The following ZFAT variants were observed in gnomAD, a reference collection of about 807,000 sequenced individuals.
ZFAT encodes zinc finger and AT-hook domain containing, also known as zinc finger protein ZFAT.
In ZFAT, 64 loss-of-function variants were observed where a neutral mutation model predicts 117.7. That is an observed-to-expected ratio of 0.54 (90% CI 0.44 to 0.67). The LOEUF (loss-of-function observed/expected upper bound fraction) is 0.67, where lower values mean the gene tolerates loss of function less well. Ranked by LOEUF, ZFAT falls within the 30% of genes least tolerant of loss-of-function variation. The probability of loss-of-function intolerance (pLI) is 0.00; values close to 1 mark genes in which losing one functional copy is unlikely to be tolerated. For missense variants in ZFAT, 1,433 were observed against 1,584.5 expected, an observed-to-expected ratio of 0.90 and a Z score of 1.62; for synonymous variants, 679 against 615.0, an observed-to-expected ratio of 1.10 and a Z score of -1.54.
At chr8:134,601,422 G>T in intron 6 of ZFAT, 55 bp downstream of exon 6, 1 of 1,538,170 alleles carries the variant, frequency 6.5e-7, no homozygotes, top group South Asian at 1.3e-5. Context: ...AATGCGAGGT[G>T]ACCACAGCAT....
rs189688951 is a variant in ZFAT at position 134,561,846 on chromosome 8, T to A, written c.2976+3487A>T. On this transcript the variant is annotated intron_variant, in intron 11 of 15. Coordinates refer to ENST00000377838, the MANE Select transcript of ZFAT (RefSeq NM_020863.4). ...ATATATTTTCTGATCTTGCTGAAAA[T>A]GATCTACCACAGAGTAGACGTAAAA... Among the ~76,000 whole-genome samples the A allele has an allele frequency of 7.6e-3, 1,151 of 152,268 alleles. 18 individuals carry two copies. The highest frequency in any genetic ancestry group is 0.025 in the African/African-American group (1,054 of 41,546).
intron 11 of ZFAT, among the ~76,000 whole-genome samples, chr8:134,559,876 G>A (rs1823927080): frequency 6.6e-6 from 1 of 151,922 alleles, no homozygotes; most frequent in African/African-American, 2.4e-5. Flanking sequence ...GTTACTGGTA[G>A]CAGTTTATTT....
At chr8:134,494,371 CA>C (rs1818275547) in intron 15 of ZFAT, among the ~76,000 whole-genome samples, 1 of 67,824 alleles carries the variant, frequency 1.5e-5, no homozygotes, top group Admixed American at 1.6e-4. Context: ...GCCTGAAGGG[CA>C]GCAGGTGCTC....
At chr8:134,678,918 C>T (rs942263302) in intron 1 of ZFAT, among the ~76,000 whole-genome samples, 1 of 152,186 alleles carries the variant, frequency 6.6e-6, no homozygotes, top group Admixed American at 6.5e-5. Flanking sequence ...CCCTTCCTTA[C>T]ACCTTATACA....
intron 11 of ZFAT, among the ~76,000 whole-genome samples, chr8:134,535,488 TC>T (rs1821764677): frequency 8.5e-5 from 2 of 23,578 alleles, no homozygotes; most frequent in Non-Finnish European, 1.7e-4. Context: ...CCCCTCCCCC[TC>T]CCCCTCCCCC....
At chr8:134,748,365 G>T in the ZFAT span, among the ~76,000 whole-genome samples, 1 of 152,152 alleles carries the variant, frequency 6.6e-6, no homozygotes, top group Non-Finnish European at 1.5e-5. Flanking sequence ...ATTTAAAAAT[G>T]GAACTGTATT....
chr8:134,664,922 T>C (rs1419877305), intron 1 of ZFAT, among the ~76,000 whole-genome samples: 2 of 152,268 alleles, frequency 1.3e-5, no homozygotes, highest in African/African-American at 2.4e-5. Flanking sequence ...AGTTTGGGGT[T>C]TGAGCATTCA....
At chr8:134,513,195 T>G (rs1819985070) in intron 13 of ZFAT, among the ~76,000 whole-genome samples, 1 of 141,476 alleles carries the variant, frequency 7.1e-6, no homozygotes, top group Admixed American at 7.3e-5. Context: ...TAGCTATTTG[T>G]GCTTTTTTTT....
chr8:134,755,589 A>T, the ZFAT span, among the ~76,000 whole-genome samples: 1 of 151,990 alleles, frequency 6.6e-6, no homozygotes, highest in African/African-American at 2.4e-5. Flanking sequence ...AGGCAAGCAG[A>T]TCACCTGAGG....
At chr8:134,760,374 G>T in the ZFAT span, among the ~76,000 whole-genome samples, 4 of 151,774 alleles carry the variant, frequency 2.6e-5, no homozygotes, top group East Asian at 7.7e-4. Context: ...AAGAAAGTCA[G>T]AACCAGACCA....
At chr8:134,801,083 C>T in the ZFAT span, among the ~76,000 whole-genome samples, 4 of 152,090 alleles carry the variant, frequency 2.6e-5, no homozygotes, top group African/African-American at 9.7e-5. Flanking sequence ...ATGCATCAAC[C>T]AATCTTCATT....
intron 10 of ZFAT, among the ~76,000 whole-genome samples, chr8:134,569,218 C>G (rs1417159643): frequency 6.6e-6 from 1 of 152,100 alleles, no homozygotes; most frequent in East Asian, 1.9e-4. Flanking sequence ...GGATGAGGAC[C>G]TGGTATCAAG....
chr8:134,736,302 T>A, the ZFAT span, among the ~76,000 whole-genome samples: 1 of 152,260 alleles, frequency 6.6e-6, no homozygotes, highest in African/African-American at 2.4e-5. Flanking sequence ...CCTTTCTTCG[T>A]GAGTTATAAG....
chr8:134,752,577 T>G, the ZFAT span, among the ~76,000 whole-genome samples: 1 of 152,222 alleles, frequency 6.6e-6, no homozygotes, highest in African/African-American at 2.4e-5. Flanking sequence ...CTGAGTGTGT[T>G]AAGTCAGCTT....
At chr8:134,732,000 T>G in the ZFAT span, among the ~76,000 whole-genome samples, 1 of 152,204 alleles carries the variant, frequency 6.6e-6, no homozygotes, top group Non-Finnish European at 1.5e-5. Context: ...ACATCTTATC[T>G]GGAGCAGCAA....
chr8:134,502,284 C>T (rs1283111660), intron 15 of ZFAT, among the ~76,000 whole-genome samples: 1 of 152,194 alleles, frequency 6.6e-6, no homozygotes, highest in Non-Finnish European at 1.5e-5. Context: ...AGCGGCTTCT[C>T]CCTACCAGGA....
chr8:134,648,078 T>A (rs1274882732), intron 2 of ZFAT, among the ~76,000 whole-genome samples: 2 of 152,036 alleles, frequency 1.3e-5, no homozygotes, highest in East Asian at 3.8e-4. Flanking sequence ...TGTGAGGTAA[T>A]AGATGTGTTA....
chr8:134,813,715 G>A, the ZFAT span, among the ~76,000 whole-genome samples: 2 of 151,782 alleles, frequency 1.3e-5, no homozygotes, highest in Non-Finnish European at 2.9e-5. Flanking sequence ...ACCGTGCCTG[G>A]CCTGCCATCT....
intron 11 of ZFAT, among the ~76,000 whole-genome samples, chr8:134,538,721 T>C (rs1822024545): frequency 6.8e-6 from 1 of 147,362 alleles, no homozygotes; most frequent in South Asian, 2.1e-4. Flanking sequence ...TGCTTGAACC[T>C]GGGAGACAGA....
Sources: gnomAD v4.1 joint callset for allele counts (sites outside exome capture counted in the v4.1 genomes callset) on GRCh38, gnomAD v4.1.1 for gene constraint, MANE v1.5 for transcripts, NCBI Gene and HGNC (gene_info 2026-07-23, HGNC 2026-07-21) for gene names.